Variants in WDR7 observed in about 807,000 individuals in gnomAD.
The protein encoded by WDR7 is WD repeat-containing protein 7.
WDR7 carries 46 observed loss-of-function variants against 169.4 expected under a neutral mutation model. That is an observed-to-expected ratio of 0.27 (90% CI 0.21 to 0.35). The LOEUF (loss-of-function observed/expected upper bound fraction) is 0.35, where lower values mean the gene tolerates loss of function less well. WDR7 is among the 10% of genes least tolerant of loss of function. The pLI is 1.00. For synonymous variants in WDR7, 612 were observed against 666.8 expected, an observed-to-expected ratio of 0.92 and a Z score of 1.27; for missense variants, 1,534 against 1,859.3, an observed-to-expected ratio of 0.83 and a Z score of 3.22.
chr18:56,783,172 A>AAC (rs1454774056), intron 19 of WDR7, among the ~76,000 whole-genome samples: 1 of 151,684 alleles, frequency 6.6e-6, no homozygotes, highest in East Asian at 1.9e-4. Context: ...TAAAAAAAAA[A>AAC]ACAAGGCATC....
At chr18:56,924,274 A>G (rs561443793) in intron 22 of WDR7, among the ~76,000 whole-genome samples, 166 bp downstream of exon 22, 3 of 152,186 alleles carry the variant, frequency 2.0e-5, no homozygotes, top group South Asian at 2.1e-4. Context: ...AAAAGGAAGC[A>G]TGTTTCTATA....
chr18:56,875,382 C>T (rs1413445594), intron 20 of WDR7, among the ~76,000 whole-genome samples: 1 of 152,254 alleles, frequency 6.6e-6, no homozygotes, highest in East Asian at 1.9e-4. Flanking sequence ...AAGTGATCAC[C>T]CCACTTCTAA....
intron 25 of WDR7, among the ~76,000 whole-genome samples, chr18:56,961,243 A>T (rs73958719): frequency 6.6e-6 from 1 of 151,872 alleles, no homozygotes; most frequent in South Asian, 2.1e-4. Flanking sequence ...CTCAGCCTCT[A>T]TTACTAGAAT....
At chr18:56,776,156 T>C (rs1435731498) in intron 16 of WDR7, among the ~76,000 whole-genome samples, 1 of 151,816 alleles carries the variant, frequency 6.6e-6, no homozygotes, top group South Asian at 2.1e-4. Flanking sequence ...AATTTTTTTT[T>C]AGCATAGGGA....
chr18:56,973,491 TG>T (rs2047521623), intron 26 of WDR7, among the ~76,000 whole-genome samples: 1 of 152,084 alleles, frequency 6.6e-6, no homozygotes, highest in Non-Finnish European at 1.5e-5. Context: ...ACATATTGTG[TG>T]TGGGGGGGGT....
chr18:56,853,977 TACAA>T (rs966306423), intron 20 of WDR7, among the ~76,000 whole-genome samples: 10 of 152,250 alleles, frequency 6.6e-5, no homozygotes, highest in African/African-American at 1.9e-4. Flanking sequence ...ATTTTACTTT[TACAA>T]ACAATGTTGT....
At chr18:56,938,703 A>G (rs1321286516) in intron 24 of WDR7, 21 bp downstream of exon 24, 2 of 1,611,978 alleles carry the variant, frequency 1.2e-6, no homozygotes, top group Admixed American at 1.7e-5. Flanking sequence ...CCTGTTTTAA[A>G]TGATCCATCA....
At chr18:56,797,151 A>G (rs533462559) in intron 19 of WDR7, among the ~76,000 whole-genome samples, 17 of 152,298 alleles carry the variant, frequency 1.1e-4, no homozygotes, top group African/African-American at 3.4e-4. Context: ...CTTTGGTATT[A>G]CGTGTTTGAA....
chr18:56,768,266 A>C (rs566334095), intron 16 of WDR7, among the ~76,000 whole-genome samples: 68 of 152,330 alleles, frequency 4.5e-4, no homozygotes, highest in Middle Eastern at 3.4e-3. Flanking sequence ...TTTAAAAAAA[A>C]GCATTTATTT....
At chr18:56,922,995 G>C (rs1047708015) in intron 21 of WDR7, among the ~76,000 whole-genome samples, 1 of 152,102 alleles carries the variant, frequency 6.6e-6, no homozygotes, top group Non-Finnish European at 1.5e-5. Flanking sequence ...GCCTGCCCCC[G>C]ATAAGTTATG....
chr18:56,709,205 TGTGA>T (rs1378927896), intron 12 of WDR7, among the ~76,000 whole-genome samples: 3 of 152,196 alleles, frequency 2.0e-5, no homozygotes, highest in African/African-American at 7.2e-5. Context: ...TATGGTAGCA[TGTGA>T]GTGATACTGA....
chr18:56,740,743 T>C (rs1160473650), intron 14 of WDR7, among the ~76,000 whole-genome samples: 3 of 152,124 alleles, frequency 2.0e-5, no homozygotes, highest in Non-Finnish European at 2.9e-5. Flanking sequence ...CTTCTTATCT[T>C]CTTAGCATGA....
At chr18:56,742,119 T>C (rs1306152780) in intron 14 of WDR7, among the ~76,000 whole-genome samples, 3 of 152,238 alleles carry the variant, frequency 2.0e-5, no homozygotes, top group African/African-American at 4.8e-5. Flanking sequence ...TTGTTTTTCC[T>C]TGCAAATACA....
chr18:56,873,350 C>T (rs1033808441), intron 20 of WDR7, among the ~76,000 whole-genome samples: 5 of 152,162 alleles, frequency 3.3e-5, no homozygotes, highest in African/African-American at 1.2e-4. Flanking sequence ...TGTTACAATT[C>T]TTTCCATTAG....
At chr18:56,675,832 T>C (rs1311330098) in intron 2 of WDR7, among the ~76,000 whole-genome samples, 2 of 152,008 alleles carry the variant, frequency 1.3e-5, no homozygotes, top group African/African-American at 4.8e-5. Context: ...ATTTTTATTA[T>C]TTTTATTTTT....
intron 20 of WDR7, among the ~76,000 whole-genome samples, chr18:56,817,362 AAAATT>A (rs897535366): frequency 1.3e-5 from 2 of 151,718 alleles, no homozygotes; most frequent in Non-Finnish European, 2.9e-5. Flanking sequence ...AAAAAAAAGA[AAAATT>A]AAAAGGAGAA....
intron 12 of WDR7, among the ~76,000 whole-genome samples, chr18:56,703,171 A>G (rs993318344): frequency 1.3e-5 from 2 of 152,224 alleles, no homozygotes; most frequent in Non-Finnish European, 2.9e-5. Context: ...TGTGCCTTCA[A>G]TTGACAGTAT....
At chr18:56,820,359 A>AAGAAAAAAAC (rs1555695955) in intron 20 of WDR7, among the ~76,000 whole-genome samples, 5 of 127,464 alleles carry the variant, frequency 3.9e-5, no homozygotes, top group Admixed American at 7.7e-5. Context: ...AAAAAAAAAA[A>AAGAAAAAAAC]AAAAACCACC....
At chr18:56,728,616 T>G (rs1048910204) in intron 13 of WDR7, among the ~76,000 whole-genome samples, 2 of 152,080 alleles carry the variant, frequency 1.3e-5, no homozygotes, top group African/African-American at 4.8e-5. Context: ...TGCCCTCTTC[T>G]CTCTTTGGGC....
Sources: gnomAD v4.1 joint callset for allele counts (sites outside exome capture counted in the v4.1 genomes callset) on GRCh38, gnomAD v4.1.1 for gene constraint, MANE v1.5 for transcripts, NCBI Gene and HGNC (gene_info 2026-07-23, HGNC 2026-07-21) for gene names.